GTPBP8: variants seen among roughly 807,000 people sequenced by gnomAD.
The protein encoded by GTPBP8 is GTP-binding protein 8.
In GTPBP8, 21 loss-of-function variants were observed where a neutral mutation model predicts 27.3. The ratio of observed to expected loss-of-function variants is 0.77; its 90% CI spans 0.55 to 1.11. GTPBP8 has a LOEUF of 1.11. GTPBP8 is among the 50% of genes least tolerant of loss of function. GTPBP8 has a pLI of 0.00. For synonymous variants in GTPBP8, 147 were observed against 135.3 expected, an observed-to-expected ratio of 1.09 and a Z score of -0.60; for missense variants, 380 against 350.8, an observed-to-expected ratio of 1.08 and a Z score of -0.67.
chr3:112,999,799 C>G (rs1933857837), intron 5 of GTPBP8, among the ~76,000 whole-genome samples: 1 of 152,014 alleles, frequency 6.6e-6, no homozygotes, highest in South Asian at 2.1e-4. Context: ...TCCCCAAAGT[C>G]CATTATATCA....
chr3:112,996,991 G>A lies in GTPBP8; in HGVS notation c.666G>A (p.Val222=). ...EMCEEFALPY[V]IVLTKIDKSS... Reference sequence around the variant, plus strand: ...GTGAAGAATTTGCATTACCTTATGTGGTAAGTACTTCCTTTGAATCATGGT... The same window carrying A: ...GTGAAGAATTTGCATTACCTTATGTAGTAAGTACTTCCTTTGAATCATGGT... Residue 222 remains valine, a splice_region_variant and synonymous_variant, in exon 4 of 6, where the codon GTG becomes GTA. Coordinates refer to ENST00000383678, the MANE Select transcript of GTPBP8 (RefSeq NM_014170.4). 1 of 1,345,404 alleles carries A rather than the reference G, an allele frequency of 7.4e-7. No individual in the cohort carries two copies. The highest frequency in any genetic ancestry group is 1.1e-6 in the Non-Finnish European group (1 of 937,300). The allele number at this position is 1,345,404 out of a possible 1,614,324, so 83.3% of individuals were successfully genotyped here. A position where few individuals can be genotyped will look rare whatever the true frequency, so the allele number is the denominator to read the frequency against.
At chr3:113,000,829 A>AC (rs1933888774) in intron 5 of GTPBP8, 21 bp from the exon 6 acceptor site, 1 of 1,477,696 alleles carries the variant, frequency 6.8e-7, no homozygotes, top group African/African-American at 1.4e-5. Flanking sequence ...GAAGAAAATT[A>AC]TTTCTCTTTT....
chr3:112,995,965 T>C (rs924199989), intron 3 of GTPBP8, among the ~76,000 whole-genome samples: 1 of 152,224 alleles, frequency 6.6e-6, no homozygotes, highest in African/African-American at 2.4e-5. Flanking sequence ...TGATATCTCT[T>C]TTTTGTCTCC....
chr3:112,991,979 T>A (rs1008651221), intron 1 of GTPBP8: 7 of 198,072 alleles, frequency 3.5e-5, no homozygotes, highest in Non-Finnish European at 5.2e-5. Context: ...GTTCTAAGTC[T>A]GCTAAAAGGC....
intron 4 of GTPBP8, among the ~76,000 whole-genome samples, chr3:112,999,131 G>C (rs1390024467): frequency 6.6e-6 from 1 of 152,096 alleles, no homozygotes; most frequent in African/African-American, 2.4e-5. Flanking sequence ...GGTATATTGT[G>C]ATCATATGAA....
In GTPBP8 at chr3:113,000,935, C is replaced by G; in HGVS notation, c.*16C>G. 1 of 1,331,272 alleles carries G rather than the reference C, an allele frequency of 7.5e-7. No individual in the cohort carries two copies. Among genetic ancestry groups the G allele is most frequent in the Non-Finnish European group, 1.0e-6 (1 of 957,906 alleles). The allele number at this position is 1,331,272 out of a possible 1,614,324, so 82.5% of individuals were successfully genotyped here. The stretch of plus-strand genomic sequence containing the variant: ...TCTTGACTAATGGTTCCCGGTTTAG[C>G]TGAAGATTCAAAAAAAAAAAAAAAA... On this transcript the variant is annotated 3_prime_UTR_variant, in exon 6 of 6. Transcript: ENST00000383678.
Position 112,995,698 on chromosome 3 carries a change from G to A in GTPBP8, c.566+433G>A, listed in dbSNP as rs565588034. On this transcript the variant is annotated intron_variant, in intron 3 of 5. Coordinates refer to ENST00000383678, the MANE Select transcript of GTPBP8 (RefSeq NM_014170.4). ...ACTACAGGTGCACGCCACCATGCCC[G>A]GCTCATTTTTGTATTTTTAGTAGAG... is the stretch of plus-strand genomic sequence containing the variant. 3.0e-4 allele frequency among the ~76,000 whole-genome samples: 46 copies of A among 151,984 alleles called. 1 individual carries two copies. In the South Asian group the frequency reaches 8.1e-3, roughly 27 times the overall value.
At chr3:112,991,977 T>C in intron 1 of GTPBP8, 1 of 204,856 alleles carries the variant, frequency 4.9e-6, no homozygotes, top group Non-Finnish European at 1.0e-5. Context: ...CTGTTCTAAG[T>C]CTGCTAAAAG....
Position 112,991,286 on chromosome 3 carries a change from T to A in GTPBP8, c.287T>A (p.Val96Asp), listed in dbSNP as rs114429530. Residue 96 changes from valine (V) to aspartate (D), a missense_variant, in exon 1 of 6, where the codon GTC becomes GAC. Coordinates refer to ENST00000383678, the MANE Select transcript of GTPBP8 (RefSeq NM_014170.4). The part of the protein sequence containing the change: ...TATERNRIDY[V>D]SSAVRIDHAP... Reference sequence around the variant, plus strand: ...ACTGAACGGAACCGCATCGACTACGTCAGCTCCGCCGTCCGTATCGACCAC... The same window carrying A: ...ACTGAACGGAACCGCATCGACTACGACAGCTCCGCCGTCCGTATCGACCAC... 24,076 of 1,613,356 alleles carry A rather than the reference T, an allele frequency of 0.015. 234 individuals are homozygous for A. Among genetic ancestry groups the A allele is most frequent in the Middle Eastern group, 0.023 (138 of 6,062 alleles).
intron 1 of GTPBP8, chr3:112,991,678 A>C (rs1282755528): frequency 1.1e-5 from 5 of 466,062 alleles, no homozygotes. Flanking sequence ...TCAAACCCAA[A>C]TTAAGCATTC....
At chr3:113,000,577 A>G (rs1933875987) in intron 5 of GTPBP8, among the ~76,000 whole-genome samples, 1 of 152,218 alleles carries the variant, frequency 6.6e-6, no homozygotes, top group African/African-American at 2.4e-5. Context: ...AGAACAAACT[A>G]AAGAGATCAA....
intron 1 of GTPBP8, among the ~76,000 whole-genome samples, chr3:112,992,729 A>G (rs1933706561): frequency 6.6e-6 from 1 of 152,228 alleles, no homozygotes; most frequent in South Asian, 2.1e-4. Flanking sequence ...TAGTGAAACT[A>G]AAAGCACAGA....
In GTPBP8 at chr3:112,999,501, T is replaced by A. The variant is rs773446088; in HGVS notation, c.722T>A (p.Leu241His). The A allele has an allele frequency of 1.4e-5, 22 of 1,548,742 alleles. No homozygotes were observed. The highest frequency in any genetic ancestry group is 1.6e-5 in the Non-Finnish European group (18 of 1,136,228). The change falls in exon 5 of 6, where the codon CTT becomes CAT. Residue 241 changes from leucine to histidine, a missense_variant. Physicochemically the swap from Leu to His is moderately conservative, Grantham distance 99. Transcript: ENST00000383678. The stretch of plus-strand genomic sequence containing the variant: ...AAGGGACATCTTTTAAAACAAGTGC[T>A]TCAGATCCAGAAATTTGTTAACATG... ...SSKGHLLKQVLQIQKFVNMKT... is the reference protein window; with the variant it reads ...SSKGHLLKQVHQIQKFVNMKT...
At chr3:112,992,318 A>G (rs774615436) in intron 1 of GTPBP8, 2 of 152,160 alleles carry the variant, frequency 1.3e-5, no homozygotes, top group African/African-American at 2.4e-5. Context: ...ATGTCCCCCA[A>G]TTGTCTTGAT....
chr3:112,991,685 A>G (rs993128772), intron 1 of GTPBP8: 2 of 448,110 alleles, frequency 4.5e-6, no homozygotes, highest in African/African-American at 2.0e-5. Context: ...CAAATTAAGC[A>G]TTCAAAAAAT....
At chr3:112,994,743 ATTAG>A (rs1933751990) in intron 2 of GTPBP8, among the ~76,000 whole-genome samples, 1 of 152,212 alleles carries the variant, frequency 6.6e-6, no homozygotes, top group African/African-American at 2.4e-5. Flanking sequence ...CCTTGCCATA[ATTAG>A]TTTCTCTTTA....
At chr3:112,992,292 G>A (rs1268148169) in intron 1 of GTPBP8, 1 of 152,200 alleles carries the variant, frequency 6.6e-6, no homozygotes, top group Non-Finnish European at 1.5e-5. Flanking sequence ...TAGGATCCCT[G>A]GCCCCTGCCC....
chr3:112,996,989 G>A lies in GTPBP8; in HGVS notation c.664G>A (p.Val222Met). The A allele has an allele frequency of 2.2e-6, 3 of 1,390,664 alleles. No individual in the cohort carries two copies. The East Asian group carries it at 6.9e-5, about 32-fold the overall frequency. 86.1% of individuals were successfully genotyped at this position (1,390,664 alleles called of 1,614,324 possible). ...EMCEEFALPYVIVLTKIDKSS... is the reference protein window; with the variant it reads ...EMCEEFALPYMIVLTKIDKSS... The stretch of plus-strand genomic sequence containing the variant: ...GTGTGAAGAATTTGCATTACCTTAT[G>A]TGGTAAGTACTTCCTTTGAATCATG... Residue 222 changes from valine to methionine, a missense_variant and splice_region_variant, in exon 4 of 6, where the codon GTG becomes ATG. Transcript: ENST00000383678.
rs566530785 is a variant in GTPBP8, at chr3:113,000,237, TA to T, written c.786-602del. Among the ~76,000 whole-genome samples, 112 of 145,902 alleles carry T rather than the reference TA, an allele frequency of 7.7e-4. 1 individual carries two copies. Among genetic ancestry groups the T allele is most frequent in the Admixed American group, 3.9e-3 (57 of 14,646 alleles). On this transcript the variant is annotated intron_variant, in intron 5 of 5. Transcript: ENST00000383678. ...AACCCCATCTCTAGAAAAATTAAAA[TA>T]AAAAAAAAAATTAGCCAGATGTGGT...
Sources: allele counts gnomAD v4.1 joint callset (sites outside exome capture counted in the v4.1 genomes callset), GRCh38; gene constraint gnomAD v4.1.1; transcripts MANE v1.5; gene names NCBI Gene and HGNC (gene_info 2026-07-23, HGNC 2026-07-21).